Variants in PEX11G observed in about 807,000 individuals in gnomAD.
PEX11G encodes peroxisomal biogenesis factor 11 gamma.
A neutral mutation model predicts 22.5 loss-of-function variants in PEX11G; 20 were observed. That is an observed-to-expected ratio of 0.89 (90% CI 0.62 to 1.29). The LOEUF is 1.29. Among genes scored for constraint, PEX11G ranks in the 50% most tolerant of loss-of-function variants. PEX11G has a pLI of 0.00. For missense variants in PEX11G, 347 were observed against 331.3 expected, an observed-to-expected ratio of 1.05 and a Z score of -0.37; for synonymous variants, 141 against 154.5, an observed-to-expected ratio of 0.91 and a Z score of 0.65.
upstream of PEX11G, chr19:7,492,972 G>C (rs984069879): frequency 4.6e-5 from 7 of 151,974 alleles, no homozygotes; most frequent in Admixed American, 4.6e-4. Context: ...GGACCCACCC[G>C]ATCACACCCT....
upstream of PEX11G, among the ~76,000 whole-genome samples, chr19:7,493,261 C>T (rs984137480): frequency 5.9e-5 from 8 of 135,838 alleles, no homozygotes; most frequent in South Asian, 9.3e-4. Flanking sequence ...GGCATGATTT[C>T]GGCTCACTGC....
intron 1 of PEX11G, 25 bp from the exon 2 acceptor site, chr19:7,486,051 T>TG: frequency 6.4e-7 from 1 of 1,565,754 alleles, no homozygotes; most frequent in Non-Finnish European, 8.7e-7. Context: ...AAGCAGTCAG[T>TG]GTGGCCCTCC....
chr19:7,477,363 G>A lies in PEX11G; in HGVS notation c.565C>T (p.Leu189=). ...TGCACGGCGTTGGCCAGGTCGGCCA[G>A]GTTGCTGAGAAGTGACAGCGCCTCC... is the stretch of plus-strand genomic sequence containing the variant. ...QSEALSLLSN[L]ADLANAVHWL... Residue 189 remains leucine, a synonymous_variant, in exon 5 of 5, where the codon CTG becomes TTG. Coordinates refer to ENST00000221480, the MANE Select transcript of PEX11G (RefSeq NM_080662.4). 5 of 1,559,492 alleles carry A rather than the reference G, an allele frequency of 3.2e-6. No homozygotes were observed. The highest frequency in any genetic ancestry group is 4.3e-6 in the Non-Finnish European group (5 of 1,154,446).
chr19:7,494,775 C>T (rs1277990903), intron 1 of PEX11G, among the ~76,000 whole-genome samples: 7 of 152,108 alleles, frequency 4.6e-5, no homozygotes, highest in Non-Finnish European at 7.3e-5. Context: ...CACATGACGC[C>T]GACATCAGAC....
upstream of PEX11G, chr19:7,489,520 A>C: frequency 1.0e-6 from 1 of 983,848 alleles, no homozygotes; most frequent in South Asian, 4.6e-5. Flanking sequence ...GTTCTAGAAT[A>C]CATAAATAAA....
chr19:7,486,635 C>T (rs1006777853), intron 1 of PEX11G, among the ~76,000 whole-genome samples: 1 of 150,700 alleles, frequency 6.6e-6, no homozygotes, highest in Non-Finnish European at 1.5e-5. Context: ...AGTCTTGCTC[C>T]GTCACCTAGG....
At chr19:7,486,163 G>T in intron 1 of PEX11G, 137 bp from the exon 2 acceptor site, 1 of 763,450 alleles carries the variant, frequency 1.3e-6, no homozygotes, top group Non-Finnish European at 2.0e-6. Context: ...GTCTCACTCT[G>T]TCATCCAGAC....
At position 7,485,153 on chromosome 19, in the gene PEX11G, T is replaced by C. The variant is rs542885562; in HGVS notation, c.249+685A>G. ...GCCTGTATGACAAAGCAAGACCCTG[T>C]CTATAAAAAAAATTTTTTTTGTTTG... On this transcript the variant is annotated intron_variant, in intron 2 of 4. Coordinates refer to ENST00000221480, the MANE Select transcript of PEX11G (RefSeq NM_080662.4). 6.8e-5 allele frequency among the ~76,000 whole-genome samples: 10 copies of C among 147,658 alleles called. No homozygotes were observed. The South Asian group carries it at 1.1e-3, about 16-fold the overall frequency.
intron 4 of PEX11G, 58 bp from the exon 5 acceptor site, chr19:7,477,494 G>A (rs1977277996): frequency 7.7e-7 from 1 of 1,302,896 alleles, no homozygotes; most frequent in South Asian, 1.7e-5. Context: ...CCCTTCCCAA[G>A]CCCCTGAATG....
chr19:7,482,064 A>G lies in PEX11G; in HGVS notation c.397T>C (p.Trp133Arg), dbSNP rs779754810. 1.9e-6 allele frequency: 3 copies of G among 1,605,104 alleles called. No homozygotes were observed. Among genetic ancestry groups the G allele is most frequent in the Admixed American group, 1.7e-5 (1 of 58,860 alleles). Reference protein sequence around the residue: ...SRWWTLSTTLWALSLLLGVAR... With the variant: ...SRWWTLSTTLRALSLLLGVAR... Reference sequence around the variant, plus strand: ...ACCCCCAGGAGCAGAGAGAGGGCCCACAGGGTTGTACTCAGCGTCCACCAC... The same window carrying G: ...ACCCCCAGGAGCAGAGAGAGGGCCCGCAGGGTTGTACTCAGCGTCCACCAC... Residue 133 changes from tryptophan (W) to arginine (R), a missense_variant, in exon 3 of 5, where the codon TGG (tryptophan) becomes CGG (arginine). By Grantham distance (101) the Trp-to-Arg change is moderately radical. Coordinates refer to ENST00000221480, the MANE Select transcript of PEX11G (RefSeq NM_080662.4).
chr19:7,480,679 G>A (rs1473781887), intron 3 of PEX11G, among the ~76,000 whole-genome samples: 1 of 152,124 alleles, frequency 6.6e-6, no homozygotes, highest in African/African-American at 2.4e-5. Flanking sequence ...TCTGTGCCGG[G>A]GGGAAAACAA....
intron 2 of PEX11G, among the ~76,000 whole-genome samples, chr19:7,483,058 G>A (rs959607532): frequency 1.3e-5 from 2 of 152,114 alleles, no homozygotes; most frequent in Non-Finnish European, 2.9e-5. Context: ...CCAACCGGGG[G>A]ACCCGCCCCC....
intron 4 of PEX11G, among the ~76,000 whole-genome samples, chr19:7,478,098 G>A (rs747014481): frequency 2.6e-5 from 4 of 152,226 alleles, no homozygotes; most frequent in African/African-American, 7.2e-5. Flanking sequence ...TGCTGGGGGC[G>A]CAGCCATGAA....
At chr19:7,490,490 A>ATTTTTT (rs59322811), upstream of PEX11G, among the ~76,000 whole-genome samples, 6 of 114,890 alleles carry the variant, frequency 5.2e-5, no homozygotes, top group African/African-American at 6.5e-5. Context: ...CGCCTGGGTA[A>ATTTTTT]TTTTTTTTTT....
chr19:7,483,610 A>G (rs1440780854), intron 2 of PEX11G, among the ~76,000 whole-genome samples: 3 of 152,202 alleles, frequency 2.0e-5, no homozygotes, highest in Non-Finnish European at 4.4e-5. Context: ...CTAATCAGAC[A>G]CGGAGGAGGA....
In PEX11G at chr19:7,488,960, C is replaced by G. The variant is rs2021793208; in HGVS notation, c.51G>C (p.Arg17=). Residue 17 remains arginine, a synonymous_variant, in exon 1 of 5, where the codon CGG becomes CGC. Coordinates refer to ENST00000221480, the MANE Select transcript of PEX11G (RefSeq NM_080662.4). ...LASALESYRG[R]DRLIRVLGYC... is the part of the protein sequence containing the mutation. ...TCCGCCCCTGCCTCACCAGGCGGTC[C>G]CGGCCCCTGTACGACTCCAGCGCCG... The G allele has an allele frequency of 1.9e-6, 3 of 1,554,702 alleles. No individual in the cohort carries two copies. The highest frequency in any genetic ancestry group is 3.8e-5 in the Admixed American group (2 of 52,278).
At chr19:7,478,279 G>T (rs1426963569) in intron 4 of PEX11G, 35 bp downstream of exon 4, 2 of 1,602,644 alleles carry the variant, frequency 1.2e-6, no homozygotes, top group Admixed American at 3.4e-5. Flanking sequence ...GCTGGAGGGA[G>T]TGGGCCTCCC....
At chr19:7,481,152 A>G (rs1162116677) in intron 3 of PEX11G, among the ~76,000 whole-genome samples, 2 of 152,178 alleles carry the variant, frequency 1.3e-5, no homozygotes, top group East Asian at 3.9e-4. Context: ...GAACCTGTCA[A>G]CATGTTCACC....
At chr19:7,480,790 G>A (rs1160776579) in intron 3 of PEX11G, among the ~76,000 whole-genome samples, 2 of 152,138 alleles carry the variant, frequency 1.3e-5, no homozygotes, top group Non-Finnish European at 2.9e-5. Context: ...CCTCACCCCA[G>A]CGATCTAAGA....
Sources: allele counts gnomAD v4.1 joint callset (sites outside exome capture counted in the v4.1 genomes callset), GRCh38; gene constraint gnomAD v4.1.1; transcripts MANE v1.5; gene names NCBI Gene and HGNC (gene_info 2026-07-23, HGNC 2026-07-21).